Variants in ATP2C2 observed in about 807,000 individuals in gnomAD.
ATP2C2 encodes the protein ATPase secretory pathway Ca2+ transporting 2.
A neutral mutation model predicts 110.8 loss-of-function variants in ATP2C2; 171 were observed. The ratio of observed to expected loss-of-function variants is 1.54; its 90% confidence interval spans 1.36 to 1.75. The LOEUF (loss-of-function observed/expected upper bound fraction) is 1.75, where lower values mean the gene tolerates loss of function less well. Among genes scored for constraint, ATP2C2 ranks in the 40% most tolerant of loss-of-function variants. The pLI, the probability that ATP2C2 is intolerant of heterozygous loss-of-function variation, is 0.00. For missense variants in ATP2C2, 1,963 were observed against 1,235.0 expected (o/e 1.59, Z -8.84); for synonymous variants, 804 against 508.4 (o/e 1.58, Z -7.82).
At chr16:84,449,630 A>T (rs1231006104) in intron 17 of ATP2C2, among the ~76,000 whole-genome samples, 1 of 152,280 alleles carries the variant, frequency 6.6e-6, no homozygotes, top group East Asian at 1.9e-4. Context: ...TCTGCGAGCC[A>T]GGTGATCTGA....
intron 13 of ATP2C2, among the ~76,000 whole-genome samples, chr16:84,440,313 C>G (rs1272455016): frequency 6.6e-6 from 1 of 152,238 alleles, no homozygotes; most frequent in Admixed American, 6.5e-5. Flanking sequence ...TGGAAGCTCT[C>G]TGAATGTGCA....
At chr16:84,410,307 T>G (rs1906159453) in intron 4 of ATP2C2, among the ~76,000 whole-genome samples, 1 of 152,148 alleles carries the variant, frequency 6.6e-6, no homozygotes, top group Admixed American at 6.5e-5. Flanking sequence ...TATGTCCAGA[T>G]TATAAGATGC....
intron 1 of ATP2C2, among the ~76,000 whole-genome samples, chr16:84,389,085 G>A (rs559402159): frequency 6.6e-6 from 1 of 152,210 alleles, no homozygotes; most frequent in East Asian, 1.9e-4. Context: ...AAGGATTGGG[G>A]CTGGAGGATT....
intron 21 of ATP2C2, 124 bp from the exon 22 acceptor site, chr16:84,458,996 C>A: frequency 9.5e-7 from 1 of 1,055,114 alleles, no homozygotes; most frequent in Non-Finnish European, 1.4e-6. Flanking sequence ...GCAAGGGGAA[C>A]CAGCAGGGGC....
At chr16:84,419,087 T>C (rs1907089507) in intron 7 of ATP2C2, among the ~76,000 whole-genome samples, 1 of 151,652 alleles carries the variant, frequency 6.6e-6, no homozygotes, top group Non-Finnish European at 1.5e-5. Context: ...CGTGCACCTG[T>C]AGTCCCAGCT....
chr16:84,418,487 A>G (rs1907033243), intron 7 of ATP2C2, among the ~76,000 whole-genome samples: 1 of 152,174 alleles, frequency 6.6e-6, no homozygotes, highest in South Asian at 2.1e-4. Flanking sequence ...AAGACAACGA[A>G]TATTTTTCAG....
At chr16:84,398,835 T>C (rs543775685) in intron 2 of ATP2C2, among the ~76,000 whole-genome samples, 6 of 152,320 alleles carry the variant, frequency 3.9e-5, no homozygotes, top group African/African-American at 1.4e-4. Context: ...GACGGCGTCC[T>C]TTGAGACACT....
intron 24 of ATP2C2, chr16:84,461,393 G>A (rs1911322208): frequency 2.1e-6 from 1 of 474,250 alleles, no homozygotes; most frequent in African/African-American, 2.0e-5. Context: ...CTTCCTTGTA[G>A]GAAATGACCT....
At chr16:84,386,270 T>C (rs1904321115) in intron 1 of ATP2C2, among the ~76,000 whole-genome samples, 1 of 152,210 alleles carries the variant, frequency 6.6e-6, no homozygotes, top group African/African-American at 2.4e-5. Flanking sequence ...TAAGTGTGCA[T>C]ATGCTGCGAG....
At chr16:84,434,600 C>G (rs1403094178) in intron 11 of ATP2C2, among the ~76,000 whole-genome samples, 1 of 151,602 alleles carries the variant, frequency 6.6e-6, no homozygotes, top group Admixed American at 6.6e-5. Flanking sequence ...TCACTGCAAG[C>G]TCCGCCTCCT....
At chr16:84,429,505 G>A (rs1256576732) in intron 11 of ATP2C2, among the ~76,000 whole-genome samples, 4 of 152,132 alleles carry the variant, frequency 2.6e-5, no homozygotes, top group South Asian at 2.1e-4. Context: ...TGTATAGCAC[G>A]TGACTGCGTG....
rs750928016 is a variant in ATP2C2 at position 84,415,551 on chromosome 16, C to G, written c.584C>G (p.Ser195Trp). 6.2e-7 allele frequency: 1 copy of G among 1,613,994 alleles called. No individual in the cohort carries two copies. The highest frequency in any genetic ancestry group is 1.3e-5 in the African/African-American group (1 of 74,924). ...ELVPGDVVSL[S>W]IGDRIPADIR... ...GTTCCTGGTGATGTCGTATCTCTCT[C>G]GATCGGAGACCGGATCCCTGCAGAC... Residue 195 changes from serine to tryptophan, a missense_variant, in exon 7 of 27, where the codon TCG (serine) becomes TGG (tryptophan). Coordinates refer to ENST00000262429, the MANE Select transcript of ATP2C2 (RefSeq NM_014861.4).
chr16:84,459,800 G>C lies in ATP2C2; in HGVS notation c.2333+414G>C, dbSNP rs1911093217. ...CACTTTTCCTTATGGATCTGATTGT[G>C]ATCTGTCTCCCCTTTAGAACATCAG... On this transcript the variant is annotated intron_variant, in intron 23 of 26. Transcript: ENST00000262429. The C allele has an allele frequency of 1.5e-5, 8 of 524,750 alleles. 1 individual carries two copies. The South Asian group carries it at 1.7e-4, about 11-fold the overall frequency. The allele number at this position is 524,750 out of a possible 1,614,324, so 32.5% of individuals were successfully genotyped here.
At chr16:84,409,941 G>A (rs1906123064) in intron 4 of ATP2C2, among the ~76,000 whole-genome samples, 1 of 152,156 alleles carries the variant, frequency 6.6e-6, no homozygotes. Context: ...CGGGTGCGGT[G>A]GCTCATGCCT....
At chr16:84,426,056 A>G (rs1451621037) in intron 11 of ATP2C2, 1 of 451,060 alleles carries the variant, frequency 2.2e-6, no homozygotes. Flanking sequence ...ATTGCTAAAA[A>G]AAAAAAAAAT....
intron 21 of ATP2C2, among the ~76,000 whole-genome samples, chr16:84,456,757 A>G: frequency 2.2e-4 from 1 of 4,646 alleles, no homozygotes; most frequent in Admixed American, 1.8e-3. Flanking sequence ...TTCAAAGAGA[A>G]TAAAATACCT....
intron 1 of ATP2C2, among the ~76,000 whole-genome samples, chr16:84,386,085 G>A (rs550591948): frequency 6.6e-6 from 1 of 152,274 alleles, no homozygotes; most frequent in East Asian, 1.9e-4. Flanking sequence ...CTGGCATAAT[G>A]AGAAACTTCA....
At position 84,459,366 on chromosome 16, in the gene ATP2C2, G is replaced by A. The variant is rs760912466; in HGVS notation, c.2313G>A (p.Met771Ile). ...AMQILWINIIMDGPPAQSLGV... is the reference protein window; with the variant it reads ...AMQILWINIIIDGPPAQSLGV... Reference sequence around the variant, plus strand: ...AGATCCTATGGATCAACATCATCATGGATGGGCCACCGGCGCAGAGGTGAG... The same window carrying A: ...AGATCCTATGGATCAACATCATCATAGATGGGCCACCGGCGCAGAGGTGAG... Residue 771 changes from methionine to isoleucine, a missense_variant, in exon 23 of 27, where the codon ATG becomes ATA. By Grantham distance (10) the Met-to-Ile change is conservative (BLOSUM62 1). Transcript: ENST00000262429. The A allele has an allele frequency of 1.2e-6, 2 of 1,614,158 alleles. No individual in the cohort carries two copies. Among genetic ancestry groups the A allele is most frequent in the Non-Finnish European group, 1.7e-6 (2 of 1,180,018 alleles).
At chr16:84,408,211 T>C (rs919174710) in intron 3 of ATP2C2, among the ~76,000 whole-genome samples, 194 bp from the exon 4 acceptor site, 2 of 151,352 alleles carry the variant, frequency 1.3e-5, no homozygotes, top group African/African-American at 4.9e-5. Context: ...CCTGGGAGGG[T>C]CAATTGGGTG....
Sources: gnomAD v4.1 joint callset for allele counts (sites outside exome capture counted in the v4.1 genomes callset) on GRCh38, gnomAD v4.1.1 for gene constraint, MANE v1.5 for transcripts, NCBI Gene and HGNC (gene_info 2026-07-23, HGNC 2026-07-21) for gene names.